The following PCDHGB3 variants were observed in gnomAD, a reference collection of about 807,000 sequenced individuals.
PCDHGB3 encodes protocadherin gamma subfamily B, 3, also known as protocadherin gamma-B3.
A neutral mutation model predicts 59.2 loss-of-function variants in PCDHGB3; 40 were observed. The ratio of observed to expected loss-of-function variants is 0.68; its 90% CI spans 0.52 to 0.88. The LOEUF (loss-of-function observed/expected upper bound fraction) is 0.88. Among genes scored for constraint, PCDHGB3 ranks in the 40% least tolerant of loss-of-function variants. The probability of loss-of-function intolerance (pLI) is 0.00; values close to 1 mark genes in which losing one functional copy is unlikely to be tolerated. For synonymous variants in PCDHGB3, 581 were observed against 503.6 expected (o/e 1.15, Z -2.06); for missense variants, 1,309 against 1,187.9 (o/e 1.10, Z -1.50).
chr5:141,399,488 TAGTC>T (rs778579612), intron 1 of PCDHGB3: 12 of 1,613,904 alleles, frequency 7.4e-6, no homozygotes, highest in Admixed American at 1.7e-5. Flanking sequence ...GCGTCCTACT[TAGTC>T]AGTGTACCCG....
At chr5:141,424,610 ATAGAG>A (rs1374272828) in intron 1 of PCDHGB3, 2 of 152,216 alleles carry the variant, frequency 1.3e-5, no homozygotes, top group African/African-American at 4.8e-5. Flanking sequence ...ATTTATTCAA[ATAGAG>A]TAGTTTGTGA....
Position 141,485,411 on chromosome 5 carries a change from G to C in PCDHGB3, c.2416-9396G>C, listed in dbSNP as rs1412397411. On this transcript the variant is annotated intron_variant, in intron 1 of 3. Coordinates refer to ENST00000576222, the MANE Select transcript of PCDHGB3 (RefSeq NM_018924.5). This position sits in a 1 kb window ranked among gnomAD's most constrained non-coding sequence, Gnocchi z 5.7. The stretch of plus-strand genomic sequence containing the variant: ...CCAAAGACACTTCCGTGTGGATTTG[G>C]ACAGCGGAGCCCTGCTCATCAAGAA... The C allele has an allele frequency of 2.5e-6, 4 of 1,614,054 alleles. No homozygotes were observed. Among genetic ancestry groups the C allele is most frequent in the Non-Finnish European group, 3.4e-6 (4 of 1,180,044 alleles).
intron 1 of PCDHGB3, chr5:141,419,148 C>A: frequency 6.2e-7 from 1 of 1,613,940 alleles, no homozygotes; most frequent in Admixed American, 1.7e-5. Flanking sequence ...AGGGGCAAGC[C>A]TCCGTTATCC....
At chr5:141,479,476 G>A (rs1481785254) in intron 1 of PCDHGB3, 1 of 152,250 alleles carries the variant, frequency 6.6e-6, no homozygotes, top group African/African-American at 2.4e-5. Context: ...CCTCTTGGGA[G>A]GGCAGGACCA....
chr5:141,456,321 G>A (rs2098849819), intron 1 of PCDHGB3, among the ~76,000 whole-genome samples: 1 of 152,154 alleles, frequency 6.6e-6, no homozygotes, highest in African/African-American at 2.4e-5. Context: ...GGCTCCTCCT[G>A]GGGTTGATCT....
At chr5:141,387,857 G>A (rs375524405) in intron 1 of PCDHGB3, 124 of 1,594,010 alleles carry the variant, frequency 7.8e-5, no homozygotes, top group Admixed American at 2.1e-4. Context: ...TCTCCAGGCT[G>A]GTGAGCAAGC....
intron 1 of PCDHGB3, chr5:141,390,735 C>T (rs1453703867): frequency 5.3e-6 from 1 of 189,140 alleles, no homozygotes; most frequent in Non-Finnish European, 1.1e-5. Context: ...CTGGTATGGT[C>T]TCCATAGTAG....
Position 141,486,585 on chromosome 5 carries a change from G to A in PCDHGB3, c.2416-8222G>A. The A allele has an allele frequency of 6.2e-7, 1 of 1,613,708 alleles. No individual in the cohort carries two copies. The highest frequency in any genetic ancestry group is 1.1e-5 in the South Asian group (1 of 91,080). ...TTTGTTCCTGAGAACAATCGCCCAG[G>A]GGACCTGCTTTGCTCCCTTGCAGCC... On this transcript the variant is annotated intron_variant, in intron 1 of 3. Transcript: ENST00000576222. The surrounding 1 kb of genome is among the most constrained non-coding windows in gnomAD (Gnocchi z 5.0).
intron 1 of PCDHGB3, chr5:141,389,006 C>T (rs1238735616): frequency 1.2e-6 from 2 of 1,613,868 alleles, no homozygotes. Flanking sequence ...ACAAGGATTC[C>T]AGACACAATG....
rs70988800 is a variant in PCDHGB3, at chr5:141,379,889, C to CTTTTTTTTTTTT, written c.2415+7099_2415+7110dup. Reference sequence around the variant, plus strand: ...CTTATTTTATGGTCTGTGAAAGCCTCTTTTTTTTTTTTTTTTTTTTTTTTT... The same window carrying CTTTTTTTTTTTT: ...CTTATTTTATGGTCTGTGAAAGCCTCTTTTTTTTTTTTTTTTTTTTTTTTTTTTTTTTTTTTT... On this transcript the variant is annotated intron_variant, in intron 1 of 3. Transcript: ENST00000576222. Among the ~76,000 whole-genome samples, 158 of 50,832 alleles carry CTTTTTTTTTTTT rather than the reference C, an allele frequency of 3.1e-3. 25 individuals are homozygous for CTTTTTTTTTTTT. The highest frequency in any genetic ancestry group is 4.7e-3 in the African/African-American group (71 of 15,080). 33.3% of individuals were successfully genotyped at this position (50,832 alleles called of 152,430 possible). A position where few individuals can be genotyped will look rare whatever the true frequency, so the allele number is the denominator to read the frequency against.
chr5:141,430,855 C>T, intron 1 of PCDHGB3: 7 of 1,588,596 alleles, frequency 4.4e-6, no homozygotes, highest in Non-Finnish European at 6.0e-6. Context: ...CCCAGATACG[C>T]TATTCAGTTC....
intron 1 of PCDHGB3, chr5:141,404,979 G>A (rs771576875): frequency 6.2e-7 from 1 of 1,613,994 alleles, no homozygotes; most frequent in Non-Finnish European, 8.5e-7. Context: ...GCTGACCTGG[G>A]CAGTCTTCAG....
At chr5:141,409,034 AACT>A in intron 1 of PCDHGB3, 6 of 1,613,992 alleles carry the variant, frequency 3.7e-6, no homozygotes, top group Non-Finnish European at 4.2e-6. Flanking sequence ...TGCTGAGATA[AACT>A]ACTACTTCCG....
intron 1 of PCDHGB3, chr5:141,389,907 G>T (rs779604388): frequency 6.2e-7 from 1 of 1,614,082 alleles, no homozygotes; most frequent in Non-Finnish European, 8.5e-7. Context: ...GGATATCACT[G>T]ACCGCCCCGA....
rs777535962 is a variant in PCDHGB3, at chr5:141,431,195, G to T, written c.2415+58386G>T. The T allele has an allele frequency of 1.2e-6, 2 of 1,614,166 alleles. No homozygotes were observed. Among genetic ancestry groups the T allele is most frequent in the East Asian group, 2.2e-5 (1 of 44,890 alleles). On this transcript the variant is annotated intron_variant, in intron 1 of 3. Transcript: ENST00000576222. The surrounding 1 kb of genome is among the most constrained non-coding windows in gnomAD (Gnocchi z 4.8). ...ATTAGAAATAAAAATTAGTGAAAAT[G>T]CAGCCACTGAGATGCGGTTCCCTCT... is the stretch of plus-strand genomic sequence containing the variant.
At position 141,418,056 on chromosome 5, in the gene PCDHGB3, T is replaced by G. The variant is rs199996434; in HGVS notation, c.2415+45247T>G. ...GTCCTGGATGTGTCGGCTCGCGAGC[T>G]GCGAGTGAGCGCGGAGAAGCTGCAC... is the stretch of plus-strand genomic sequence containing the variant. On this transcript the variant is annotated intron_variant, in intron 1 of 3. Coordinates refer to ENST00000576222, the MANE Select transcript of PCDHGB3 (RefSeq NM_018924.5). 5.0e-5 allele frequency: 80 copies of G among 1,613,976 alleles called. No individual in the cohort carries two copies. The African/African-American group carries it at 7.5e-4, about 15-fold the overall frequency.
intron 1 of PCDHGB3, chr5:141,399,574 G>C (rs1191176960): frequency 6.2e-7 from 1 of 1,614,046 alleles, no homozygotes; most frequent in Middle Eastern, 1.6e-4. Flanking sequence ...GAACGGCCAA[G>C]TCTCCTACTC....
rs534304763 is a variant in PCDHGB3 at position 141,394,533 on chromosome 5, G to T, written c.2415+21724G>T. 2 of 1,614,092 alleles carry T rather than the reference G, an allele frequency of 1.2e-6. No individual in the cohort carries two copies. The highest frequency in any genetic ancestry group is 3.3e-5 in the Admixed American group (2 of 60,014). On this transcript the variant is annotated intron_variant, in intron 1 of 3. Transcript: ENST00000576222. Reference sequence around the variant, plus strand: ...CGCCCTCCCCACAGACGGTTCCACTGGCGTGGAGCTGGCGCCCCGCTCCGC... The same window carrying T: ...CGCCCTCCCCACAGACGGTTCCACTTGCGTGGAGCTGGCGCCCCGCTCCGC...
In PCDHGB3 at chr5:141,489,242, TG is replaced by T; in HGVS notation, c.2416-5561del. 6.5e-7 allele frequency: 1 copy of T among 1,534,498 alleles called. No homozygotes were observed. The highest frequency in any genetic ancestry group is 2.3e-5 in the East Asian group (1 of 44,312). On this transcript the variant is annotated intron_variant, in intron 1 of 3. Transcript: ENST00000576222. The surrounding 1 kb of genome is among the most constrained non-coding windows in gnomAD (Gnocchi z 4.5). ...TCTCCACAAAGGGACTTCTGGGTCA[TG>T]GGGCCCAAGACACTCCCACAGCTCG...
Sources: allele counts gnomAD v4.1 joint callset (sites outside exome capture counted in the v4.1 genomes callset), GRCh38; gene constraint gnomAD v4.1.1; non-coding constraint Gnocchi (gnomAD v3.1); transcripts MANE v1.5; gene names NCBI Gene and HGNC (gene_info 2026-07-23, HGNC 2026-07-21).